Variants in SMPD3 observed in about 807,000 individuals in gnomAD.
The protein encoded by SMPD3 is sphingomyelin phosphodiesterase 3, also known as nSMase-2.
In SMPD3, 21 loss-of-function variants were observed where a neutral mutation model predicts 55.7. That is an observed-to-expected ratio of 0.38 (90% confidence interval 0.27 to 0.54). SMPD3 has a LOEUF of 0.54. Ranked by LOEUF, SMPD3 falls within the 20% of genes least tolerant of loss-of-function variation. The pLI, the probability that SMPD3 is intolerant of heterozygous loss-of-function variation, is 0.80. For synonymous variants in SMPD3, 457 were observed against 404.3 expected (o/e 1.13, Z -1.56); for missense variants, 842 against 899.6 (o/e 0.94, Z 0.82).
At chr16:68,421,222 A>G (rs745705752) in intron 1 of SMPD3, among the ~76,000 whole-genome samples, 1 of 152,160 alleles carries the variant, frequency 6.6e-6, no homozygotes, top group Non-Finnish European at 1.5e-5. Flanking sequence ...CACCATCTGC[A>G]CAGTATCCCC....
chr16:68,361,027 T>G lies in SMPD3; in HGVS notation c.*179A>C. 3 of 604,660 alleles carry G rather than the reference T, an allele frequency of 5.0e-6. No homozygotes were observed. The South Asian group carries it at 6.0e-5, about 12-fold the overall frequency. The allele number at this position is 604,660 out of a possible 1,614,324, so 37.5% of individuals were successfully genotyped here. On this transcript the variant is annotated 3_prime_UTR_variant, in exon 9 of 9. Coordinates refer to ENST00000219334, the MANE Select transcript of SMPD3 (RefSeq NM_018667.4). ...TCCTGGGGCGGGCCTGACTCCTCTG[T>G]CCACAGTGAGGCCCAGAGGCGCAGA...
In SMPD3 at chr16:68,361,189, C is replaced by T; in HGVS notation, c.*17G>A. ...GCAGCTGCAAGGGCTGGCAGAGGCC[C>T]CGCTGCTCCGGACGGTCTATGCCTC... On this transcript the variant is annotated 3_prime_UTR_variant, in exon 9 of 9. Coordinates refer to ENST00000219334, the MANE Select transcript of SMPD3 (RefSeq NM_018667.4). The T allele has an allele frequency of 6.2e-7, 1 of 1,609,540 alleles. No individual in the cohort carries two copies. Among genetic ancestry groups the T allele is most frequent in the Non-Finnish European group, 8.5e-7 (1 of 1,177,408 alleles).
chr16:68,366,999 C>T (rs1262321883), intron 3 of SMPD3, among the ~76,000 whole-genome samples: 5 of 103,914 alleles, frequency 4.8e-5, no homozygotes, highest in Non-Finnish European at 7.8e-5. Flanking sequence ...CAGAGTGAGA[C>T]TCTGTCTCAA....
chr16:68,408,917 C>T (rs865843262), intron 1 of SMPD3, among the ~76,000 whole-genome samples: 1 of 152,094 alleles, frequency 6.6e-6, no homozygotes, highest in South Asian at 2.1e-4. Flanking sequence ...TGGGCACAAT[C>T]CTGAAGTGGG....
intron 3 of SMPD3, among the ~76,000 whole-genome samples, chr16:68,365,772 C>T (rs1005576613): frequency 4.6e-5 from 7 of 152,178 alleles, no homozygotes; most frequent in East Asian, 1.9e-4. Flanking sequence ...CCCTCTGCCC[C>T]GACCTCCTGC....
At chr16:68,363,406 G>T in intron 7 of SMPD3, 90 bp downstream of exon 7, 1 of 1,430,194 alleles carries the variant, frequency 7.0e-7, no homozygotes, top group Non-Finnish European at 9.8e-7. Context: ...ATGAGCCCGA[G>T]CTGAGCTCTC....
chr16:68,392,725 G>A (rs1205944366), intron 1 of SMPD3, among the ~76,000 whole-genome samples: 1 of 151,830 alleles, frequency 6.6e-6, no homozygotes, highest in African/African-American at 2.4e-5. Context: ...GCCGGGTATG[G>A]TGATGTGCGC....
chr16:68,401,795 C>T (rs1023173430), intron 1 of SMPD3, among the ~76,000 whole-genome samples: 12 of 152,292 alleles, frequency 7.9e-5, no homozygotes, highest in East Asian at 3.9e-4. Context: ...ATGCCTTCGT[C>T]GCAGATCTTT....
chr16:68,413,523 CAT>C (rs149352209), intron 1 of SMPD3, among the ~76,000 whole-genome samples: 3,884 of 152,234 alleles, frequency 0.026, 171 homozygotes, highest in African/African-American at 0.085. Context: ...ATTCAGAAAA[CAT>C]AGAAAATCAT....
At chr16:68,398,830 T>C (rs562993979) in intron 1 of SMPD3, among the ~76,000 whole-genome samples, 2 of 152,316 alleles carry the variant, frequency 1.3e-5, no homozygotes, top group South Asian at 4.1e-4. Context: ...GAATCTTTTG[T>C]GGGCCTTGGT....
chr16:68,362,407 C>T (rs913373208), intron 7 of SMPD3, among the ~76,000 whole-genome samples: 42 of 152,214 alleles, frequency 2.8e-4, no homozygotes, highest in Non-Finnish European at 2.2e-4. Flanking sequence ...GGGGATGTGA[C>T]ATCTGGAATC....
chr16:68,408,031 A>G lies in SMPD3; in HGVS notation c.-268-21372T>C, dbSNP rs144932022. ...GAAATTGGAACCCAGGCAGAAAAGA[A>G]TACAAATTTTCTAACCACCAATGGC... is the stretch of plus-strand genomic sequence containing the variant. On this transcript the variant is annotated intron_variant, in intron 1 of 8. Coordinates refer to ENST00000219334, the MANE Select transcript of SMPD3 (RefSeq NM_018667.4). Among the ~76,000 whole-genome samples, 8 of 152,312 alleles carry G rather than the reference A, an allele frequency of 5.3e-5. No homozygotes were observed. In the East Asian group the frequency reaches 1.4e-3, roughly 26 times the overall value.
chr16:68,362,783 C>T (rs1185880517), intron 7 of SMPD3, among the ~76,000 whole-genome samples: 1 of 152,230 alleles, frequency 6.6e-6, no homozygotes, highest in Non-Finnish European at 1.5e-5. Context: ...ATAATTAATT[C>T]CAGCATCAAT....
intron 2 of SMPD3, among the ~76,000 whole-genome samples, chr16:68,384,044 C>T (rs1008406507): frequency 2.0e-5 from 3 of 152,258 alleles, no homozygotes; most frequent in African/African-American, 4.8e-5. Context: ...CACTGCTCCC[C>T]TATGGCCCTT....
intron 1 of SMPD3, among the ~76,000 whole-genome samples, chr16:68,436,471 A>G (rs1327464782): frequency 6.6e-6 from 1 of 152,006 alleles, no homozygotes; most frequent in Non-Finnish European, 1.5e-5. Context: ...CTGCACTGTA[A>G]TTATCTATCT....
At chr16:68,381,911 C>G (rs940438434) in intron 2 of SMPD3, 1 of 151,772 alleles carries the variant, frequency 6.6e-6, no homozygotes, top group South Asian at 2.1e-4. Flanking sequence ...CCAGATCTAC[C>G]CTCCAATCCA....
At position 68,359,375 on chromosome 16, in the gene SMPD3, C is replaced by T. The variant is rs1222245807; in HGVS notation, c.*1831G>A. 6.6e-6 allele frequency: 1 copy of T among 152,534 alleles called. No homozygotes were observed. Among genetic ancestry groups the T allele is most frequent in the East Asian group, 1.9e-4 (1 of 5,266 alleles). The allele number at this position is 152,534 out of a possible 1,614,324, so 9.4% of individuals were successfully genotyped here. A position where few individuals can be genotyped will look rare whatever the true frequency, so the allele number is the denominator to read the frequency against. On this transcript the variant is annotated 3_prime_UTR_variant, in exon 9 of 9. Transcript: ENST00000219334. ...GATGCTCGCCCTCAGCAGCCCCTTC[C>T]TGGCTCTGGACTCTGGAGGGGCAGG...
Position 68,404,624 on chromosome 16 carries a change from TTCCCC to T in SMPD3, c.-268-17970_-268-17966del, listed in dbSNP as rs2152014163. On this transcript the variant is annotated intron_variant, in intron 1 of 8. Transcript: ENST00000219334. The surrounding 1 kb of genome is among the most constrained non-coding windows in gnomAD (Gnocchi z 4.0). ...CAGGTCTGAAGGGACTTGTCAGGGGTTCCCCAGGTAGGAAATAGGGGTCACCTGTG... is the reference window on the plus strand; with the variant it reads ...CAGGTCTGAAGGGACTTGTCAGGGGTAGGTAGGAAATAGGGGTCACCTGTG... Among the ~76,000 whole-genome samples the T allele has an allele frequency of 6.6e-6, 1 of 152,232 alleles. No individual in the cohort carries two copies. Among genetic ancestry groups the T allele is most frequent in the South Asian group, 2.1e-4 (1 of 4,824 alleles).
intron 7 of SMPD3, among the ~76,000 whole-genome samples, chr16:68,363,226 G>A (rs1249363192): frequency 1.3e-5 from 2 of 152,146 alleles, no homozygotes; most frequent in Non-Finnish European, 2.9e-5. Flanking sequence ...GCAGGGGCTC[G>A]GGGCAGGGCT....
Sources: allele counts gnomAD v4.1 joint callset (sites outside exome capture counted in the v4.1 genomes callset), GRCh38; gene constraint gnomAD v4.1.1; non-coding constraint Gnocchi (gnomAD v3.1); transcripts MANE v1.5; gene names NCBI Gene and HGNC (gene_info 2026-07-23, HGNC 2026-07-21).